CCL16: variants seen among roughly 807,000 people sequenced by gnomAD.
The protein encoded by CCL16 is C-C motif chemokine 16.
CCL16 carries 6 observed loss-of-function variants against 7.5 expected under a neutral mutation model. The ratio of observed to expected loss-of-function variants is 0.80; its 90% CI spans 0.44 to 1.57. The LOEUF is 1.57. Ranked by LOEUF, CCL16 falls within the 40% of genes most tolerant of loss-of-function variation. The pLI is 0.01. For synonymous variants in CCL16, 60 were observed against 57.7 expected (o/e 1.04, Z -0.18); for missense variants, 134 against 142.9 (o/e 0.94, Z 0.32).
chr17:35,980,941 G>A (rs2089676505), intron 1 of CCL16, among the ~76,000 whole-genome samples: 1 of 152,132 alleles, frequency 6.6e-6, no homozygotes, highest in Non-Finnish European at 1.5e-5. Context: ...CCACATGATT[G>A]TTTGAACCTT....
rs1046832750 is a variant in CCL16, at chr17:35,978,151, T to C, written c.189A>G (p.Pro63=). Reference sequence around the variant, plus strand: ...TAAAAGGACGTGCTTACATGATTGCTGGCAGGTGACAGTTGAGGGCCTTTC... The same window carrying C: ...TAAAAGGACGTGCTTACATGATTGCCGGCAGGTGACAGTTGAGGGCCTTTC... ...GYRKALNCHL[P]AIIFVTKRNR... The change falls in exon 2 of 3, where the codon CCA becomes CCG. Residue 63 remains proline, a synonymous_variant. Transcript: ENST00000611905. 5 of 1,614,090 alleles carry C rather than the reference T, an allele frequency of 3.1e-6. No homozygotes were observed. The African/African-American group carries it at 6.7e-5, about 22-fold the overall frequency.
At chr17:35,979,653 C>T (rs1427445066) in intron 1 of CCL16, among the ~76,000 whole-genome samples, 4 of 152,150 alleles carry the variant, frequency 2.6e-5, no homozygotes, top group Non-Finnish European at 5.9e-5. Context: ...GAGCCTGGCA[C>T]ACAGAAAGGC....
rs768840174 is a variant in CCL16 at position 35,981,387 on chromosome 17, C to T, written c.34G>A (p.Val12Ile). The T allele has an allele frequency of 6.2e-7, 1 of 1,613,006 alleles. No individual in the cohort carries two copies. Among genetic ancestry groups the T allele is most frequent in the Admixed American group, 1.7e-5 (1 of 59,864 alleles). ...KVSEAALSLLVLILIITSASR... is the reference protein window; with the variant it reads ...KVSEAALSLLILILIITSASR... ...GCCGAAGTAATGATAAGGATGAGGA[C>T]AAGGAGAGACAGGGCAGCCTCGGAG... The change falls in exon 1 of 3, where the codon GTC (valine) becomes ATC (isoleucine). Residue 12 changes from valine (V) to isoleucine (I), a missense_variant. Physicochemically the swap from Val to Ile is conservative, Grantham distance 29. Transcript: ENST00000611905.
intron 1 of CCL16, among the ~76,000 whole-genome samples, chr17:35,979,545 G>T (rs1032657292): frequency 4.6e-5 from 7 of 152,270 alleles, no homozygotes; most frequent in Admixed American, 4.6e-4. Flanking sequence ...CTAGGTTTCA[G>T]TTTCCTCATC....
In CCL16 at chr17:35,977,421, A is replaced by G. The variant is rs891645322; in HGVS notation, c.*145T>C. On this transcript the variant is annotated 3_prime_UTR_variant, in exon 3 of 3. Coordinates refer to ENST00000611905, the MANE Select transcript of CCL16 (RefSeq NM_004590.4). ...GGTATTTCCTCCTAAGATTGAGAAA[A>G]TATTCGAAATACTTCTCCTTTATTT... 3.1e-6 allele frequency: 2 copies of G among 642,332 alleles called. No homozygotes were observed. Among genetic ancestry groups the G allele is most frequent in the Non-Finnish European group, 5.0e-6 (2 of 397,956 alleles). 39.8% of individuals were successfully genotyped at this position (642,332 alleles called of 1,614,324 possible).
At position 35,977,357 on chromosome 17, in the gene CCL16, A is replaced by C. The variant is rs529366348; in HGVS notation, c.*209T>G. The C allele has an allele frequency of 7.8e-6, 3 of 382,970 alleles. No individual in the cohort carries two copies. The highest frequency in any genetic ancestry group is 4.2e-5 in the African/African-American group (2 of 48,190). The allele number at this position is 382,970 out of a possible 1,614,324, so 23.7% of individuals were successfully genotyped here. On this transcript the variant is annotated 3_prime_UTR_variant, in exon 3 of 3. Coordinates refer to ENST00000611905, the MANE Select transcript of CCL16 (RefSeq NM_004590.4). Reference sequence around the variant, plus strand: ...CAAAAAAATAAAAATATAAATATAAAAATAAAAGAGCGTACCTCTGCCCAC... The same window carrying C: ...CAAAAAAATAAAAATATAAATATAACAATAAAAGAGCGTACCTCTGCCCAC...
chr17:35,979,121 A>G (rs1265172637), intron 1 of CCL16, among the ~76,000 whole-genome samples: 1 of 148,644 alleles, frequency 6.7e-6, no homozygotes, highest in Non-Finnish European at 1.5e-5. Context: ...GAGTGACTCC[A>G]TCTCAAAAGA....
In CCL16 at chr17:35,981,450, AGAGCCGAAT is replaced by A; in HGVS notation, c.-39_-31del. On this transcript the variant is annotated 5_prime_UTR_variant, in exon 1 of 3. Transcript: ENST00000611905. ...TCAGCGAGGCAGTACAGCTTCAGGGAGAGCCGAATGAAGATGTTGTCTGTTGCTGGTGGT... is the reference window on the plus strand; with the variant it reads ...TCAGCGAGGCAGTACAGCTTCAGGGAGAAGATGTTGTCTGTTGCTGGTGGT... The A allele has an allele frequency of 6.5e-7, 1 of 1,540,886 alleles. No homozygotes were observed. Among genetic ancestry groups the A allele is most frequent in the Non-Finnish European group, 8.9e-7 (1 of 1,121,764 alleles).
chr17:35,981,210 A>C, intron 1 of CCL16, 135 bp downstream of exon 1: 2 of 608,550 alleles, frequency 3.3e-6, no homozygotes, highest in Non-Finnish European at 5.9e-6. Context: ...GGAGGTCAGA[A>C]GCTATGCATG....
At chr17:35,979,719 C>T (rs773762595) in intron 1 of CCL16, among the ~76,000 whole-genome samples, 1 of 152,096 alleles carries the variant, frequency 6.6e-6, no homozygotes, top group Non-Finnish European at 1.5e-5. Flanking sequence ...GCTCTTCTTG[C>T]CTTGGAAATG....
chr17:35,980,054 C>G (rs186117021), intron 1 of CCL16, among the ~76,000 whole-genome samples: 7 of 152,272 alleles, frequency 4.6e-5, no homozygotes, highest in Middle Eastern at 3.4e-3. Context: ...ACTGTTCCCC[C>G]CTCCCACACA....
chr17:35,981,101 C>A (rs767754558), intron 1 of CCL16, among the ~76,000 whole-genome samples: 1 of 152,138 alleles, frequency 6.6e-6, no homozygotes, highest in African/African-American at 2.4e-5. Flanking sequence ...CTGCTCACCA[C>A]GCTTGGGACT....
intron 2 of CCL16, 140 bp from the exon 3 acceptor site, chr17:35,977,871 C>G: frequency 1.0e-6 from 1 of 968,814 alleles, no homozygotes; most frequent in Non-Finnish European, 1.5e-6. Context: ...TTCCCTCAGA[C>G]AGCCTCTCTC....
At chr17:35,980,932 C>T (rs2089676425) in intron 1 of CCL16, among the ~76,000 whole-genome samples, 1 of 152,184 alleles carries the variant, frequency 6.6e-6, no homozygotes, top group Admixed American at 6.5e-5. Context: ...GACTTAGACC[C>T]ACATGATTGT....
rs1446595685 is a variant in CCL16 at position 35,977,674 on chromosome 17, T to C, written c.255A>G (p.Gln85=). ...VCTNPNDDWV[Q]EYIKDPNLPL... is the part of the protein sequence containing the mutation. Reference sequence around the variant, plus strand: ...GTAGGTTGGGATCCTTGATGTACTCTTGGACCCAGTCGTCATTGGGGTTGG... The same window carrying C: ...GTAGGTTGGGATCCTTGATGTACTCCTGGACCCAGTCGTCATTGGGGTTGG... The change falls in exon 3 of 3, where the codon CAA becomes CAG. Residue 85 remains glutamine, a synonymous_variant. Transcript: ENST00000611905. 10 of 1,612,200 alleles carry C rather than the reference T, an allele frequency of 6.2e-6. No individual in the cohort carries two copies. Among genetic ancestry groups the C allele is most frequent in the Non-Finnish European group, 8.5e-6 (10 of 1,180,020 alleles).
rs774525937 is a variant in CCL16 at position 35,977,760 on chromosome 17, G to C, written c.198-29C>G. 3.7e-6 allele frequency: 6 copies of C among 1,605,672 alleles called. No individual in the cohort carries two copies. In the East Asian group the frequency reaches 1.3e-4, roughly 36 times the overall value. On this transcript the variant is annotated intron_variant, in intron 2 of 2. Coordinates refer to ENST00000611905, the MANE Select transcript of CCL16 (RefSeq NM_004590.4). ...CAGAGGCAGAATTAGACCGTCATGG[G>C]CTGCAGACTCGGGCAGGAGTCCGGT... is the stretch of plus-strand genomic sequence containing the variant.
In CCL16 at chr17:35,977,380, C is replaced by T. The variant is rs1219530560; in HGVS notation, c.*186G>A. On this transcript the variant is annotated 3_prime_UTR_variant, in exon 3 of 3. Transcript: ENST00000611905. ...AAAAATAAAAGAGCGTACCTCTGCC[C>T]ACGTCCCTTAACTTTGGTATTTCCT... 2 of 463,194 alleles carry T rather than the reference C, an allele frequency of 4.3e-6. No individual in the cohort carries two copies. The highest frequency in any genetic ancestry group is 7.5e-6 in the Non-Finnish European group (2 of 266,902). 28.7% of individuals were successfully genotyped at this position (463,194 alleles called of 1,614,324 possible). A position where few individuals can be genotyped will look rare whatever the true frequency, so the allele number is the denominator to read the frequency against.
intron 1 of CCL16, among the ~76,000 whole-genome samples, chr17:35,979,735 TC>T (rs1179133551): frequency 2.6e-5 from 4 of 151,976 alleles, no homozygotes; most frequent in Admixed American, 2.0e-4. Flanking sequence ...AAATGGCGCT[TC>T]CCCCCATCTC....
At chr17:35,980,695 C>T (rs928964165) in intron 1 of CCL16, among the ~76,000 whole-genome samples, 1 of 152,178 alleles carries the variant, frequency 6.6e-6, no homozygotes, top group Admixed American at 6.5e-5. Flanking sequence ...AACAAACCCC[C>T]TCCTCCATAG....
Sources: allele counts gnomAD v4.1 joint callset (sites outside exome capture counted in the v4.1 genomes callset), GRCh38; gene constraint gnomAD v4.1.1; transcripts MANE v1.5; gene names NCBI Gene and HGNC (gene_info 2026-07-23, HGNC 2026-07-21).